PRKAR1B: variants seen among roughly 807,000 people sequenced by gnomAD.
PRKAR1B encodes protein kinase cAMP-dependent type I regulatory subunit beta.
Under a neutral mutation model 46.5 loss-of-function variants are expected in PRKAR1B, and 22 were observed. That is an observed-to-expected ratio of 0.47 (90% CI 0.34 to 0.68). The LOEUF (loss-of-function observed/expected upper bound fraction) is 0.68. PRKAR1B is among the 30% of genes least tolerant of loss of function. The pLI, the probability that PRKAR1B is intolerant of heterozygous loss-of-function variation, is 0.01. For synonymous variants in PRKAR1B, 259 were observed against 217.7 expected (o/e 1.19, Z -1.67); for missense variants, 445 against 535.6 (o/e 0.83, Z 1.67).
intron 4 of PRKAR1B, among the ~76,000 whole-genome samples, chr7:617,381 T>A (rs969310527): frequency 6.6e-6 from 1 of 150,630 alleles, no homozygotes; most frequent in African/African-American, 2.4e-5. Flanking sequence ...CACAGCTCAC[T>A]TCAGCCTTGA....
intron 4 of PRKAR1B, among the ~76,000 whole-genome samples, chr7:629,323 C>T (rs558083904): frequency 5.3e-5 from 8 of 150,898 alleles, no homozygotes; most frequent in South Asian, 2.1e-4. Flanking sequence ...GCTGCAGGAG[C>T]GGGGCCACGG....
chr7:615,037 A>G (rs958033919), intron 4 of PRKAR1B, among the ~76,000 whole-genome samples: 4 of 151,952 alleles, frequency 2.6e-5, no homozygotes, highest in African/African-American at 9.7e-5. Context: ...AGATTGTGCC[A>G]CTGCACTCCA....
chr7:680,359 C>T (rs576428768), intron 3 of PRKAR1B, among the ~76,000 whole-genome samples, 197 bp downstream of exon 3: 24 of 152,240 alleles, frequency 1.6e-4, no homozygotes, highest in African/African-American at 5.5e-4. Context: ...TTGAGCTCAG[C>T]TCATCTGGCA....
intron 4 of PRKAR1B, among the ~76,000 whole-genome samples, chr7:621,448 G>C (rs1320584125): frequency 6.6e-6 from 1 of 152,192 alleles, no homozygotes; most frequent in African/African-American, 2.4e-5. Flanking sequence ...AAAAAGAAAA[G>C]TCTGACAACA....
At chr7:706,650 C>A (rs1007363424) in intron 2 of PRKAR1B, among the ~76,000 whole-genome samples, 1 of 145,398 alleles carries the variant, frequency 6.9e-6, no homozygotes, top group African/African-American at 2.6e-5. Context: ...TGGTCTCGAT[C>A]TCCTGACCTC....
At chr7:718,968 C>A (rs1780979796) in intron 1 of PRKAR1B, among the ~76,000 whole-genome samples, 2 of 148,746 alleles carry the variant, frequency 1.3e-5, no homozygotes, top group Admixed American at 1.4e-4. Flanking sequence ...ACCTTCCTGG[C>A]CCAAGTGATC....
intron 9 of PRKAR1B, among the ~76,000 whole-genome samples, chr7:576,857 C>T (rs1779863737): frequency 6.6e-6 from 1 of 152,074 alleles, no homozygotes; most frequent in East Asian, 1.9e-4. Context: ...GTGCAGGGGC[C>T]CGAGCCTGGG....
chr7:587,709 CGCAGCCCTCCTGT>C (rs374115528), intron 7 of PRKAR1B, among the ~76,000 whole-genome samples: 416 of 152,288 alleles, frequency 2.7e-3, no homozygotes, highest in African/African-American at 9.3e-3. Flanking sequence ...GGAGGCAGTC[CGCAGCCCTCCTGT>C]GCAGCCCTCC....
intron 4 of PRKAR1B, among the ~76,000 whole-genome samples, chr7:611,196 G>A (rs563973878): frequency 1.3e-5 from 2 of 152,222 alleles, no homozygotes; most frequent in Non-Finnish European, 2.9e-5. Flanking sequence ...GCTCCTCCAC[G>A]GTCTGGCTTC....
Position 550,341 on chromosome 7 carries a change from C to G in PRKAR1B, c.*89G>C. 1 of 1,304,862 alleles carries G rather than the reference C, an allele frequency of 7.7e-7. No individual in the cohort carries two copies. The highest frequency in any genetic ancestry group is 1.1e-6 in the Non-Finnish European group (1 of 933,542). 80.8% of individuals were successfully genotyped at this position (1,304,862 alleles called of 1,614,324 possible). ...GGACCCAGCCCCACCCGGCCCACACCTCACACAGCGGCTCCCGGGCCCCCG... is the reference window on the plus strand; with the variant it reads ...GGACCCAGCCCCACCCGGCCCACACGTCACACAGCGGCTCCCGGGCCCCCG... On this transcript the variant is annotated 3_prime_UTR_variant, in exon 11 of 11. Coordinates refer to ENST00000537384, the MANE Select transcript of PRKAR1B (RefSeq NM_001164760.2).
chr7:685,100 A>G lies in PRKAR1B; in HGVS notation c.178-4374T>C, dbSNP rs114994998. Reference sequence around the variant, plus strand: ...TGAATGTAACCTTTTATATTAATTAATATAATTCATGTTACACATATAACA... The same window carrying G: ...TGAATGTAACCTTTTATATTAATTAGTATAATTCATGTTACACATATAACA... On this transcript the variant is annotated intron_variant, in intron 2 of 10. Transcript: ENST00000537384. Among the ~76,000 whole-genome samples the G allele has an allele frequency of 2.9e-3, 438 of 151,304 alleles. 4 individuals carry two copies. Among genetic ancestry groups the G allele is most frequent in the African/African-American group, 0.01 (423 of 41,146 alleles).
At chr7:715,019 C>T (rs1340922513) in intron 1 of PRKAR1B, among the ~76,000 whole-genome samples, 1 of 152,038 alleles carries the variant, frequency 6.6e-6, no homozygotes, top group African/African-American at 2.4e-5. Flanking sequence ...AACCCTGTCT[C>T]GACTAGAAAT....
intron 7 of PRKAR1B, among the ~76,000 whole-genome samples, chr7:586,009 T>C (rs1004468432): frequency 3.3e-5 from 5 of 152,152 alleles, no homozygotes; most frequent in Admixed American, 1.3e-4. Context: ...CACAGTGGCA[T>C]GTGCAGTTTC....
chr7:574,045 A>C (rs1304776395), intron 9 of PRKAR1B, among the ~76,000 whole-genome samples: 1 of 152,200 alleles, frequency 6.6e-6, no homozygotes, highest in Non-Finnish European at 1.5e-5. Context: ...TTCAGGGGTG[A>C]GAACACCGCG....
At chr7:575,315 C>G (rs553860064) in intron 9 of PRKAR1B, among the ~76,000 whole-genome samples, 1 of 152,332 alleles carries the variant, frequency 6.6e-6, no homozygotes, top group African/African-American at 2.4e-5. Flanking sequence ...CGTCTCAGAG[C>G]ACAGCTGCTG....
intron 9 of PRKAR1B, chr7:565,337 C>T (rs935831460): frequency 2.0e-5 from 3 of 152,186 alleles, no homozygotes; most frequent in African/African-American, 7.2e-5. Flanking sequence ...ATATGTCCCT[C>T]GGATCCAAAG....
intron 2 of PRKAR1B, among the ~76,000 whole-genome samples, chr7:693,820 C>G (rs1357318792): frequency 2.6e-5 from 4 of 152,212 alleles, no homozygotes; most frequent in Admixed American, 2.6e-4. Flanking sequence ...TGGGAAATGC[C>G]AAGCTTCCTT....
intron 1 of PRKAR1B, chr7:713,011 C>T (rs976379974): frequency 6.6e-6 from 1 of 152,190 alleles, no homozygotes; most frequent in South Asian, 2.1e-4. Context: ...AGCTTCACCC[C>T]GATGCCCAGT....
At chr7:576,197 ATGGG>A (rs1340267490) in intron 9 of PRKAR1B, among the ~76,000 whole-genome samples, 19 of 148,222 alleles carry the variant, frequency 1.3e-4, no homozygotes, top group African/African-American at 4.5e-4. Context: ...TCCTCTGCAC[ATGGG>A]CAGGCGTGCA....
Sources: allele counts gnomAD v4.1 joint callset (sites outside exome capture counted in the v4.1 genomes callset), GRCh38; gene constraint gnomAD v4.1.1; transcripts MANE v1.5; gene names NCBI Gene and HGNC (gene_info 2026-07-23, HGNC 2026-07-21).